Variants in MYO10 observed in about 807,000 individuals in gnomAD.
The protein encoded by MYO10 is myosin X, also known as unconventional myosin-X.
Under a neutral mutation model 257.3 loss-of-function variants are expected in MYO10, and 133 were observed. The observed-to-expected ratio is 0.52, with a 90% CI of 0.45 to 0.60. The LOEUF is 0.60. Among genes scored for constraint, MYO10 ranks in the 20% least tolerant of loss-of-function variants. The probability of loss-of-function intolerance (pLI) is 0.00; values close to 1 mark genes in which losing one functional copy is unlikely to be tolerated. For missense variants in MYO10, 2,399 were observed against 2,635.7 expected, an observed-to-expected ratio of 0.91 and a Z score of 1.97; for synonymous variants, 1,104 against 1,028.6, an observed-to-expected ratio of 1.07 and a Z score of -1.40.
In MYO10 at chr5:16,781,783, T is replaced by C; in HGVS notation, c.649A>G (p.Asn217Asp). The change falls in exon 6 of 41, where the codon AAC becomes GAC. Residue 217 changes from asparagine to aspartate, a missense_variant. This residue lies in a region of MYO10 where 337 missense variants were observed against 446.8 expected (regional missense o/e 0.75). Transcript: ENST00000513610. ...FGNAKTVYNN[N>D]SSRFGKFVQL... ...ACAAACTTCCCAAAGCGACTAGAGT[T>C]GTTGTTGTACACGGTCTTCGCATTG... 2 of 1,613,902 alleles carry C rather than the reference T, an allele frequency of 1.2e-6. No individual in the cohort carries two copies. The highest frequency in any genetic ancestry group is 8.5e-7 in the Non-Finnish European group (1 of 1,179,850).
intron 8 of MYO10, 113 bp downstream of exon 8, chr5:16,780,411 C>T (rs769115777): frequency 6.9e-6 from 7 of 1,015,186 alleles, no homozygotes; most frequent in Middle Eastern, 2.8e-4. Context: ...GTGTACATTT[C>T]ATTGCTATCG....
At chr5:16,886,313 C>T (rs1044402782) in intron 1 of MYO10, among the ~76,000 whole-genome samples, 5 of 152,128 alleles carry the variant, frequency 3.3e-5, no homozygotes, top group African/African-American at 9.7e-5. Context: ...GTTTGAGAGT[C>T]CCGAGTTTGT....
At position 16,909,159 on chromosome 5, in the gene MYO10, C is replaced by A. The variant is rs553224693; in HGVS notation, c.21+26629G>T. Among the ~76,000 whole-genome samples the A allele has an allele frequency of 8.5e-4, 130 of 152,266 alleles. 2 individuals are homozygous for A. In the South Asian group the frequency reaches 0.019, roughly 22 times the overall value. On this transcript the variant is annotated intron_variant, in intron 1 of 40. Transcript: ENST00000513610. ...CAGAAGGTGAAGGAGGTGCAAAGGG[C>A]ATGTCTTACATGGTGGCAGGTAAGA... is the stretch of plus-strand genomic sequence containing the variant.
At chr5:16,915,872 G>T (rs1352202759) in intron 1 of MYO10, among the ~76,000 whole-genome samples, 1 of 151,750 alleles carries the variant, frequency 6.6e-6, no homozygotes, top group Non-Finnish European at 1.5e-5. Context: ...CACGAGAATT[G>T]CTTGAACCCA....
intron 1 of MYO10, among the ~76,000 whole-genome samples, chr5:16,888,697 G>A (rs1054633474): frequency 2.6e-5 from 4 of 151,752 alleles, no homozygotes; most frequent in African/African-American, 7.3e-5. Context: ...AGCTCTGATC[G>A]TGCTACTGCA....
intron 1 of MYO10, among the ~76,000 whole-genome samples, chr5:16,907,931 C>T (rs1745558955): frequency 6.6e-6 from 1 of 152,178 alleles, no homozygotes; most frequent in African/African-American, 2.4e-5. Flanking sequence ...TTGATGATCA[C>T]TTAAAACTAA....
chr5:16,744,678 G>T (rs1471531055), intron 19 of MYO10, among the ~76,000 whole-genome samples: 1 of 152,040 alleles, frequency 6.6e-6, no homozygotes, highest in Non-Finnish European at 1.5e-5. Context: ...GAACAGGTGG[G>T]GTAGTGGTCA....
intron 1 of MYO10, among the ~76,000 whole-genome samples, chr5:16,903,410 A>T (rs750544836): frequency 1.1e-4 from 17 of 152,054 alleles, no homozygotes; most frequent in South Asian, 2.1e-4. Context: ...TCCATTTCAA[A>T]AATAATAATA....
At chr5:16,775,689 A>G (rs1280259572) in intron 9 of MYO10, among the ~76,000 whole-genome samples, 3 of 151,408 alleles carry the variant, frequency 2.0e-5, no homozygotes, top group Non-Finnish European at 4.4e-5. Context: ...TGCAACCTCC[A>G]CCTCCCAGGT....
intron 27 of MYO10, among the ~76,000 whole-genome samples, chr5:16,691,025 T>G (rs972323220): frequency 6.6e-6 from 1 of 151,858 alleles, no homozygotes; most frequent in Non-Finnish European, 1.5e-5. Context: ...ATCCCAGCAC[T>G]TTGGGAGGCT....
At chr5:16,811,068 CA>C (rs11420807) in intron 3 of MYO10, among the ~76,000 whole-genome samples, 50,538 of 108,754 alleles carry the variant, frequency 0.46, 10,128 homozygotes, top group Non-Finnish European at 0.53. Flanking sequence ...GACTCTGTCT[CA>C]AAAAAAAAAA....
At chr5:16,835,963 T>C (rs754421184) in intron 2 of MYO10, among the ~76,000 whole-genome samples, 1 of 152,164 alleles carries the variant, frequency 6.6e-6, no homozygotes, top group Non-Finnish European at 1.5e-5. Context: ...TTTGTAAGTG[T>C]CTATGAAAGC....
chr5:16,812,978 A>C, intron 3 of MYO10, among the ~76,000 whole-genome samples: 1 of 151,818 alleles, frequency 6.6e-6, no homozygotes, highest in Non-Finnish European at 1.5e-5. Context: ...AAGATGCCAA[A>C]AGCTACAATA....
intron 17 of MYO10, 123 bp downstream of exon 17, chr5:16,761,341 C>T: frequency 2.6e-6 from 2 of 764,074 alleles, no homozygotes; most frequent in Admixed American, 2.4e-5. Context: ...TGAAGTATTA[C>T]CTGGGAAAAA....
At chr5:16,694,798 T>G (rs1217836537) in intron 26 of MYO10, among the ~76,000 whole-genome samples, 184 bp from the exon 27 acceptor site, 1 of 152,100 alleles carries the variant, frequency 6.6e-6, no homozygotes, top group Non-Finnish European at 1.5e-5. Context: ...CACACAGATG[T>G]CACACCAGCC....
chr5:16,725,078 C>CTTCTTTT (rs1554039848), intron 19 of MYO10, among the ~76,000 whole-genome samples: 10 of 74,890 alleles, frequency 1.3e-4, no homozygotes, highest in African/African-American at 5.0e-4. Context: ...CCTTCTTCTT[C>CTTCTTTT]TTTTTTTTTT....
At chr5:16,674,374 C>T (rs141505470) in intron 35 of MYO10, among the ~76,000 whole-genome samples, 5,050 of 152,114 alleles carry the variant, frequency 0.033, 250 homozygotes, top group African/African-American at 0.11. Context: ...GAGGCTAAGG[C>T]AGGAGAATCG....
chr5:16,791,310 C>T (rs1369591995), intron 4 of MYO10, among the ~76,000 whole-genome samples: 3 of 152,120 alleles, frequency 2.0e-5, no homozygotes, highest in African/African-American at 7.2e-5. Flanking sequence ...TTAATTCCCA[C>T]AGCTTCAACC....
chr5:16,736,490 G>A (rs756314971), intron 19 of MYO10, among the ~76,000 whole-genome samples: 1 of 152,146 alleles, frequency 6.6e-6, no homozygotes, highest in Non-Finnish European at 1.5e-5. Context: ...ATGCTCACAG[G>A]CTGTGTTAGA....
Sources: gnomAD v4.1 joint callset for allele counts (sites outside exome capture counted in the v4.1 genomes callset) on GRCh38, gnomAD v4.1.1 for gene constraint, gnomAD v4.1.1 regional missense constraint, MANE v1.5 for transcripts, NCBI Gene and HGNC (gene_info 2026-07-23, HGNC 2026-07-21) for gene names.